Variants in ANKRD27 observed in about 807,000 individuals in gnomAD.
ANKRD27 encodes ankyrin repeat domain 27.
In ANKRD27, 112 loss-of-function variants were observed where a neutral mutation model predicts 129.7. The ratio of observed to expected loss-of-function variants is 0.86; its 90% confidence interval spans 0.74 to 1.01. The LOEUF is 1.01. Ranked by LOEUF, ANKRD27 falls within the 50% of genes least tolerant of loss-of-function variation. The pLI, the probability that ANKRD27 is intolerant of heterozygous loss-of-function variation, is 0.00. For missense variants in ANKRD27, 1,258 were observed against 1,300.5 expected (o/e 0.97, Z 0.50); for synonymous variants, 516 against 511.2 (o/e 1.01, Z -0.13).
Position 32,644,332 on chromosome 19 carries a change from T to C in ANKRD27, c.518A>G (p.His173Arg), listed in dbSNP as rs911170128. 1.2e-5 allele frequency: 19 copies of C among 1,612,600 alleles called. No individual in the cohort carries two copies. The highest frequency in any genetic ancestry group is 1.6e-5 in the Non-Finnish European group (19 of 1,179,662). ...GACAGCACGGCTACTGACTATGTGG[T>C]GACGGAGGCTCTTTCTCTCGCATTC... ...FRECERKSLR[H>R]HIDSANALYT... is the part of the protein sequence containing the mutation. The change falls in exon 5 of 29, where the codon CAC becomes CGC. Residue 173 changes from histidine (H) to arginine (R), a missense_variant. By Grantham distance (29) the His-to-Arg change is conservative. Coordinates refer to ENST00000306065, the MANE Select transcript of ANKRD27 (RefSeq NM_032139.3).
At position 32,646,460 on chromosome 19, in the gene ANKRD27, T is replaced by C; in HGVS notation, c.369A>G (p.Ser123=). ...IAHPLEKRES[S]EEPLAPSDPF... ...AAAAGGTTTTTTCTCCCAGAATACC[T>C]GAACTCTCTCTCTTTTCCAAAGGAT... Residue 123 remains serine (S), a splice_region_variant and synonymous_variant, in exon 4 of 29, where the codon TCA becomes TCG. Transcript: ENST00000306065. 1 of 1,601,284 alleles carries C rather than the reference T, an allele frequency of 6.2e-7. No homozygotes were observed. Among genetic ancestry groups the C allele is most frequent in the Non-Finnish European group, 8.5e-7 (1 of 1,176,044 alleles).
rs762832816 is a variant in ANKRD27 at position 32,615,749 on chromosome 19, T to C, written c.2084A>G (p.Asp695Gly). 3.7e-6 allele frequency: 6 copies of C among 1,613,960 alleles called. No homozygotes were observed. The highest frequency in any genetic ancestry group is 5.1e-6 in the Non-Finnish European group (6 of 1,179,982). Residue 695 changes from aspartate (D) to glycine (G), a missense_variant, in exon 22 of 29, where the codon GAC becomes GGC. Transcript: ENST00000306065. ...GACAGTGTCCTCCGCATCCTCCAGG[T>C]CCTCCTCTGTCCATTCCAACAGGTA... ...VRYLLEWTEE[D>G]LEDAEDTVSA...
intron 23 of ANKRD27, among the ~76,000 whole-genome samples, chr19:32,607,425 G>C (rs548706085): frequency 5.9e-4 from 90 of 152,282 alleles, no homozygotes; most frequent in African/African-American, 2.2e-3. Context: ...GGGAGTGGCA[G>C]TGGGGCAGGG....
At chr19:32,646,314 G>C in intron 4 of ANKRD27, 145 bp downstream of exon 4, 1 of 671,324 alleles carries the variant, frequency 1.5e-6, no homozygotes, top group African/African-American at 1.8e-5. Context: ...AGTGATCCTT[G>C]TGCCTCGGCC....
intron 1 of ANKRD27, among the ~76,000 whole-genome samples, chr19:32,674,745 C>T (rs2145335799): frequency 6.6e-6 from 1 of 151,780 alleles, no homozygotes; most frequent in East Asian, 2.0e-4. Context: ...CCCGCCAGAT[C>T]CGAACCGCCG....
intron 1 of ANKRD27, chr19:32,673,150 C>G (rs893284000): frequency 1.6e-5 from 4 of 256,082 alleles, no homozygotes; most frequent in African/African-American, 9.2e-5. Context: ...CCCCGGCCCT[C>G]TGCAGACACC....
At chr19:32,613,047 T>C (rs1253674342) in intron 22 of ANKRD27, among the ~76,000 whole-genome samples, 2 of 136,576 alleles carry the variant, frequency 1.5e-5, no homozygotes, top group Non-Finnish European at 3.3e-5. Context: ...CTAACAAATA[T>C]CCACATATCT....
intron 12 of ANKRD27, chr19:32,637,359 G>A (rs1445345337): frequency 1.3e-5 from 2 of 152,186 alleles, no homozygotes; most frequent in Non-Finnish European, 2.9e-5. Context: ...TAGTAAAACA[G>A]GCCAGCAGGA....
intron 25 of ANKRD27, among the ~76,000 whole-genome samples, chr19:32,603,949 C>T (rs890309398): frequency 6.6e-6 from 1 of 152,218 alleles, no homozygotes; most frequent in African/African-American, 2.4e-5. Context: ...TGACTTGCTC[C>T]TTCCTGAGTG....
intron 17 of ANKRD27, among the ~76,000 whole-genome samples, chr19:32,624,245 C>T (rs2145279590): frequency 6.6e-6 from 1 of 151,972 alleles, no homozygotes; most frequent in African/African-American, 2.4e-5. Flanking sequence ...TATGTGTCTG[C>T]AGTCCCAGCT....
At chr19:32,610,134 A>G (rs1971812464) in intron 22 of ANKRD27, among the ~76,000 whole-genome samples, 1 of 152,154 alleles carries the variant, frequency 6.6e-6, no homozygotes, top group Non-Finnish European at 1.5e-5. Flanking sequence ...ACATGGTGAA[A>G]CTCCGTCTCT....
chr19:32,639,306 G>A, intron 12 of ANKRD27, 50 bp downstream of exon 12: 1 of 1,612,010 alleles, frequency 6.2e-7, no homozygotes, highest in Non-Finnish European at 8.5e-7. Flanking sequence ...ACCCTATCAA[G>A]GGAACCATGA....
In ANKRD27 at chr19:32,600,044, G is replaced by A. The variant is rs763158972; in HGVS notation, c.2774C>T (p.Ser925Leu). 6.2e-7 allele frequency: 1 copy of A among 1,610,572 alleles called. No individual in the cohort carries two copies. The change falls in exon 27 of 29, where the codon TCA (serine) becomes TTA (leucine). Residue 925 changes from serine to leucine, a missense_variant. Ser to Leu is a moderately radical substitution (Grantham distance 145). Transcript: ENST00000306065. ...VTVKIRKKWN[S>L]KLYDLPDEPF... The stretch of plus-strand genomic sequence containing the variant: ...CTCATCTGGTAGATCATACAGTTTT[G>A]AGTTCCCTGTAGATAAAAAGATAAA...
In ANKRD27 at chr19:32,630,017, C is replaced by T. The variant is rs373283275; in HGVS notation, c.1210-1168G>A. Among the ~76,000 whole-genome samples, 24 of 152,174 alleles carry T rather than the reference C, an allele frequency of 1.6e-4. No individual in the cohort carries two copies. In the East Asian group the frequency reaches 1.7e-3, roughly 11 times the overall value. On this transcript the variant is annotated intron_variant, in intron 13 of 28. Transcript: ENST00000306065. ...TCTCGGGCTCAAGTGATCCTCCCAC[C>T]TTAGCCTCCCATATAGCTGGGACTA...
At chr19:32,640,065 C>T (rs1967166435) in intron 11 of ANKRD27, among the ~76,000 whole-genome samples, 1 of 152,156 alleles carries the variant, frequency 6.6e-6, no homozygotes. Flanking sequence ...GGGTTCACGC[C>T]ATTCTCCTGC....
At chr19:32,599,389 C>T (rs1182300031) in intron 28 of ANKRD27, among the ~76,000 whole-genome samples, 1 of 152,198 alleles carries the variant, frequency 6.6e-6, no homozygotes, top group African/African-American at 2.4e-5. Flanking sequence ...TACAAACTGT[C>T]GTTTTCTTTC....
chr19:32,649,431 T>A (rs544648667), intron 3 of ANKRD27, among the ~76,000 whole-genome samples: 28 of 151,150 alleles, frequency 1.9e-4, no homozygotes, highest in African/African-American at 6.8e-4. Flanking sequence ...AGAAACCCCA[T>A]CACGGGATCA....
chr19:32,627,430 A>T (rs1966909372), intron 15 of ANKRD27, among the ~76,000 whole-genome samples: 1 of 145,262 alleles, frequency 6.9e-6, no homozygotes, highest in African/African-American at 2.5e-5. Context: ...ACAGAGTCTC[A>T]CTCAGCCACC....
chr19:32,649,540 C>G (rs759880809), intron 3 of ANKRD27, 142 bp downstream of exon 3: 3 of 656,956 alleles, frequency 4.6e-6, no homozygotes, highest in Non-Finnish European at 8.1e-6. Flanking sequence ...CAGGGTCCCT[C>G]CAGCCCCCCA....
Sources: gnomAD v4.1 joint callset for allele counts (sites outside exome capture counted in the v4.1 genomes callset) on GRCh38, gnomAD v4.1.1 for gene constraint, MANE v1.5 for transcripts, NCBI Gene and HGNC (gene_info 2026-07-23, HGNC 2026-07-21) for gene names.